Variants in PDCD10 observed in about 807,000 individuals in gnomAD.
PDCD10 encodes programmed cell death protein 10.
PDCD10 carries 4 observed loss-of-function variants against 29.2 expected under a neutral mutation model. The observed-to-expected ratio is 0.14, with a 90% CI of 0.07 to 0.31. PDCD10 has a LOEUF of 0.31. Among genes scored for constraint, PDCD10 ranks in the 10% least tolerant of loss-of-function variants. The probability of loss-of-function intolerance (pLI) is 1.00; values close to 1 mark genes in which losing one functional copy is unlikely to be tolerated. For synonymous variants in PDCD10, 70 were observed against 82.2 expected (o/e 0.85, Z 0.80); for missense variants, 183 against 257.9 (o/e 0.71, Z 1.99).
At chr3:167,690,629 C>CA (rs1188542947) in intron 6 of PDCD10, among the ~76,000 whole-genome samples, 3 of 152,156 alleles carry the variant, frequency 2.0e-5, no homozygotes, top group Non-Finnish European at 4.4e-5. Flanking sequence ...CTCAGGCACA[C>CA]ACATTCATTG....
intron 2 of PDCD10, among the ~76,000 whole-genome samples, chr3:167,727,799 T>G (rs566509613): frequency 6.6e-6 from 1 of 152,196 alleles, no homozygotes; most frequent in Non-Finnish European, 1.5e-5. Context: ...TGGCTTAAGA[T>G]CCTCTAAAAC....
chr3:167,695,447 T>A (rs1720699508), intron 6 of PDCD10, 149 bp downstream of exon 6: 2 of 713,610 alleles, frequency 2.8e-6, no homozygotes, highest in South Asian at 3.3e-5. Context: ...CCAAACGCCA[T>A]AAAGTTAATA....
At chr3:167,690,006 A>T (rs954914294) in intron 6 of PDCD10, among the ~76,000 whole-genome samples, 2 of 152,232 alleles carry the variant, frequency 1.3e-5, no homozygotes, top group Non-Finnish European at 2.9e-5. Flanking sequence ...GAGAGAAAAT[A>T]CCAGGACAAA....
At chr3:167,690,053 A>C (rs1357609869) in intron 6 of PDCD10, among the ~76,000 whole-genome samples, 2 of 152,230 alleles carry the variant, frequency 1.3e-5, no homozygotes, top group Non-Finnish European at 2.9e-5. Context: ...TAAAGAACTG[A>C]GAAAAAACTT....
chr3:167,708,259 A>T (rs576259199), intron 3 of PDCD10, among the ~76,000 whole-genome samples: 27 of 151,974 alleles, frequency 1.8e-4, no homozygotes, highest in African/African-American at 6.5e-4. Context: ...AGTTTCCTAA[A>T]ACCATAATTA....
intron 3 of PDCD10, among the ~76,000 whole-genome samples, chr3:167,705,738 T>C (rs948602266): frequency 5.9e-5 from 9 of 151,952 alleles, no homozygotes; most frequent in African/African-American, 2.2e-4. Flanking sequence ...CCTCAGTAGA[T>C]AAAAAAGGCA....
intron 3 of PDCD10, among the ~76,000 whole-genome samples, chr3:167,716,578 T>C (rs1723041366): frequency 6.6e-6 from 1 of 151,584 alleles, no homozygotes; most frequent in Admixed American, 6.6e-5. Context: ...TTAAAAATAA[T>C]AAAAATAAGA....
At chr3:167,684,412 G>C in intron 8 of PDCD10, 23 bp from the exon 9 acceptor site, 1 of 1,425,070 alleles carries the variant, frequency 7.0e-7, no homozygotes, top group Non-Finnish European at 9.9e-7. Flanking sequence ...AAAAGAATAA[G>C]CATTAATTTC....
At chr3:167,690,196 G>A (rs1026537954) in intron 6 of PDCD10, among the ~76,000 whole-genome samples, 4 of 152,176 alleles carry the variant, frequency 2.6e-5, no homozygotes, top group African/African-American at 7.2e-5. Flanking sequence ...GCAGCTTTGC[G>A]AAACATTACA....
chr3:167,689,132 C>T (rs1719953069), intron 6 of PDCD10, among the ~76,000 whole-genome samples: 2 of 151,970 alleles, frequency 1.3e-5, no homozygotes, highest in South Asian at 4.2e-4. Context: ...TAAATGTTAT[C>T]TAATTTTTTT....
Position 167,704,589 on chromosome 3 carries a change from C to A in PDCD10, c.150+253G>T. 1.7e-5 allele frequency: 5 copies of A among 301,652 alleles called. No individual in the cohort carries two copies. In the South Asian group the frequency reaches 2.0e-4, roughly 12 times the overall value. 18.7% of individuals were successfully genotyped at this position (301,652 alleles called of 1,614,324 possible). A position where few individuals can be genotyped will look rare whatever the true frequency, so the allele number is the denominator to read the frequency against. On this transcript the variant is annotated intron_variant, in intron 4 of 8. Coordinates refer to ENST00000392750, the MANE Select transcript of PDCD10 (RefSeq NM_007217.4). ...AAAAAACCCTCAAAAATATAATCTA[C>A]AGCTAAGGAGAGAACACTCTGAAAA...
intron 3 of PDCD10, among the ~76,000 whole-genome samples, chr3:167,713,114 A>T (rs1177002499): frequency 1.3e-5 from 2 of 152,014 alleles, no homozygotes. Context: ...CCTAAACAGA[A>T]TATTCCATAG....
rs966345932 is a variant in PDCD10 at position 167,721,716 on chromosome 3, T to C, written c.-116-1443A>G. On this transcript the variant is annotated intron_variant, in intron 2 of 8. Coordinates refer to ENST00000392750, the MANE Select transcript of PDCD10 (RefSeq NM_007217.4). ...TGACAGTTCTAAACATCAAAGAGTT[T>C]TCCTGTTTCTCACCTGAAACCTACT... Among the ~76,000 whole-genome samples, 4 of 152,208 alleles carry C rather than the reference T, an allele frequency of 2.6e-5. No homozygotes were observed. The South Asian group carries it at 8.3e-4, about 32-fold the overall frequency.
intron 6 of PDCD10, 30 bp downstream of exon 6, chr3:167,695,561 TAAGAA>T: frequency 6.2e-7 from 1 of 1,603,022 alleles, no homozygotes. Flanking sequence ...GAAGTACTTT[TAAGAA>T]AAGAAGAAAC....
At chr3:167,687,505 T>G (rs1719746919) in intron 7 of PDCD10, 110 bp downstream of exon 7, 1 of 784,062 alleles carries the variant, frequency 1.3e-6, no homozygotes, top group Non-Finnish European at 2.3e-6. Context: ...ACTCAATGGT[T>G]AATGACACAA....
chr3:167,695,762 C>G (rs770713784), intron 5 of PDCD10, 40 bp from the exon 6 acceptor site: 1 of 1,602,134 alleles, frequency 6.2e-7, no homozygotes, highest in South Asian at 1.1e-5. Flanking sequence ...TCCTGCGACT[C>G]TCTGCCAAAT....
intron 6 of PDCD10, among the ~76,000 whole-genome samples, chr3:167,692,224 A>T (rs1720320119): frequency 6.6e-6 from 1 of 152,266 alleles, no homozygotes; most frequent in Non-Finnish European, 1.5e-5. Flanking sequence ...AAACATGTTT[A>T]CTTTAACTAT....
In PDCD10 at chr3:167,704,903, A is replaced by G; in HGVS notation, c.97-8T>C. 1 of 1,586,000 alleles carries G rather than the reference A, an allele frequency of 6.3e-7. No individual in the cohort carries two copies. The highest frequency in any genetic ancestry group is 1.1e-5 in the South Asian group (1 of 90,000). ...CAGATTTACTCGTTCTAGCTGCAAT[A>G]AAAATTTTAAATTATTATGAATATC... On this transcript the variant is annotated splice_region_variant and splice_polypyrimidine_tract_variant and intron_variant, in intron 3 of 8. Coordinates refer to ENST00000392750, the MANE Select transcript of PDCD10 (RefSeq NM_007217.4).
rs757722021 is a variant in PDCD10 at position 167,734,790 on chromosome 3, A to T, written c.-382T>A. On this transcript the variant is annotated 5_prime_UTR_variant, in exon 1 of 9. Transcript: ENST00000392750. ...TGCAGAGCTACGGGGACTGGGACAG[A>T]ACAGCTACACCTTACCAGCAACTGA... is the stretch of plus-strand genomic sequence containing the variant. 6.5e-6 allele frequency: 1 copy of T among 153,284 alleles called. No homozygotes were observed. The highest frequency in any genetic ancestry group is 1.5e-5 in the Non-Finnish European group (1 of 68,616). The allele number at this position is 153,284 out of a possible 1,614,324, so 9.5% of individuals were successfully genotyped here.
Sources: gnomAD v4.1 joint callset for allele counts (sites outside exome capture counted in the v4.1 genomes callset) on GRCh38, gnomAD v4.1.1 for gene constraint, MANE v1.5 for transcripts, NCBI Gene and HGNC (gene_info 2026-07-23, HGNC 2026-07-21) for gene names.